SERAC1: variants seen among roughly 807,000 people sequenced by gnomAD.
SERAC1 encodes the protein protein SERAC1.
SERAC1 carries 36 observed loss-of-function variants against 85.7 expected under a neutral mutation model. The ratio of observed to expected loss-of-function variants is 0.42; its 90% CI spans 0.32 to 0.55. The LOEUF (loss-of-function observed/expected upper bound fraction) is 0.55. Ranked by LOEUF, SERAC1 falls within the 20% of genes least tolerant of loss-of-function variation. The pLI is 0.11. For synonymous variants in SERAC1, 242 were observed against 265.3 expected, an observed-to-expected ratio of 0.91 and a Z score of 0.85; for missense variants, 629 against 796.2, an observed-to-expected ratio of 0.79 and a Z score of 2.53.
At chr6:158,155,154 A>T (rs1785299647) in intron 3 of SERAC1, among the ~76,000 whole-genome samples, 161 bp downstream of exon 3, 1 of 152,228 alleles carries the variant, frequency 6.6e-6, no homozygotes, top group African/African-American at 2.4e-5. Flanking sequence ...AGGAAACCAC[A>T]TCATGACAAC....
At chr6:158,131,728 T>C (rs1051183373) in intron 8 of SERAC1, among the ~76,000 whole-genome samples, 3 of 152,040 alleles carry the variant, frequency 2.0e-5, no homozygotes, top group African/African-American at 7.2e-5. Flanking sequence ...CTTTAATAAT[T>C]GATCCTACAG....
chr6:158,113,487 C>T lies in SERAC1; in HGVS notation c.1790G>A (p.Ser597Asn). Residue 597 changes from serine to asparagine, a missense_variant, in exon 16 of 17, where the codon AGC becomes AAC. Physicochemically the swap from Ser to Asn is conservative, Grantham distance 46 (BLOSUM62 1). Transcript: ENST00000647468. ...FVETLPTYIG[S>N]MIKLHVVPVE... The stretch of plus-strand genomic sequence containing the variant: ...AGGTACCACATGGAGCTTAATCATG[C>T]TGCCAATGTAGGTTGGTAGTGTTTC... 2 of 1,614,020 alleles carry T rather than the reference C, an allele frequency of 1.2e-6. No homozygotes were observed. Among genetic ancestry groups the T allele is most frequent in the Non-Finnish European group, 1.7e-6 (2 of 1,179,922 alleles).
At chr6:158,126,695 G>T (rs1784546980) in intron 10 of SERAC1, among the ~76,000 whole-genome samples, 1 of 152,188 alleles carries the variant, frequency 6.6e-6, no homozygotes, top group Non-Finnish European at 1.5e-5. Context: ...TTTATTACTT[G>T]CAAGAGGGAA....
rs1441650891 is a variant in SERAC1, at chr6:158,156,939, GATATTAATATATTTATATAA to G, written c.91+1314_91+1333del. 4.7e-3 allele frequency among the ~76,000 whole-genome samples: 354 copies of G among 74,648 alleles called. 5 individuals are homozygous for G. Among genetic ancestry groups the G allele is most frequent in the Middle Eastern group, 0.013 (2 of 150 alleles). 49.0% of individuals were successfully genotyped at this position (74,648 alleles called of 152,430 possible). A position where few individuals can be genotyped will look rare whatever the true frequency, so the allele number is the denominator to read the frequency against. ...ATATAAATATTAATATATTTATATA[GATATTAATATATTTATATAA>G]ATATTAATATATTTATATATAATAA... On this transcript the variant is annotated intron_variant, in intron 2 of 16. Coordinates refer to ENST00000647468, the MANE Select transcript of SERAC1 (RefSeq NM_032861.4).
At chr6:158,125,950 CAAG>C (rs2128414324) in intron 10 of SERAC1, among the ~76,000 whole-genome samples, 1 of 151,966 alleles carries the variant, frequency 6.6e-6, no homozygotes, top group South Asian at 2.1e-4. Context: ...TCAAGTAATA[CAAG>C]AAGTCAGAAA....
intron 14 of SERAC1, among the ~76,000 whole-genome samples, chr6:158,115,450 G>A (rs971556543): frequency 1.3e-5 from 2 of 152,132 alleles, no homozygotes; most frequent in East Asian, 1.9e-4. Context: ...CCCCTGCCCC[G>A]GCTTTGGAAC....
chr6:158,150,736 C>A, intron 3 of SERAC1, 147 bp from the exon 4 acceptor site: 1 of 654,596 alleles, frequency 1.5e-6, no homozygotes, highest in Non-Finnish European at 2.7e-6. Flanking sequence ...AACATTTATA[C>A]AGTCATGTAT....
At chr6:158,138,029 C>T (rs192138848) in intron 8 of SERAC1, among the ~76,000 whole-genome samples, 2 of 152,270 alleles carry the variant, frequency 1.3e-5, no homozygotes, top group East Asian at 3.9e-4. Flanking sequence ...TTAAAACACA[C>T]AAACACATGA....
intron 6 of SERAC1, 64 bp from the exon 7 acceptor site, chr6:158,144,484 C>T (rs1021670883): frequency 2.0e-6 from 3 of 1,465,652 alleles, no homozygotes; most frequent in South Asian, 1.3e-5. Flanking sequence ...TAAAGATTAA[C>T]TGAACAAACA....
intron 8 of SERAC1, among the ~76,000 whole-genome samples, chr6:158,139,235 G>A (rs1308271931): frequency 6.6e-6 from 1 of 152,124 alleles, no homozygotes; most frequent in African/African-American, 2.4e-5. Context: ...CATTTGGGGT[G>A]CACAGGTCAC....
At chr6:158,148,095 TA>T (rs1217093875) in intron 5 of SERAC1, among the ~76,000 whole-genome samples, 1 of 152,198 alleles carries the variant, frequency 6.6e-6, no homozygotes, top group Non-Finnish European at 1.5e-5. Context: ...AAAATATATT[TA>T]AAGCTGTTTT....
chr6:158,135,846 G>C (rs531789822), intron 8 of SERAC1, among the ~76,000 whole-genome samples: 1 of 152,196 alleles, frequency 6.6e-6, no homozygotes, highest in East Asian at 1.9e-4. Flanking sequence ...GTCTCACTCT[G>C]TCACCCAGGC....
intron 1 of SERAC1, among the ~76,000 whole-genome samples, 157 bp downstream of exon 1, chr6:158,167,983 G>C (rs1785647856): frequency 6.6e-6 from 1 of 151,896 alleles, no homozygotes; most frequent in Admixed American, 6.6e-5. Flanking sequence ...AGGCCCTCAC[G>C]CCCAGCCGAG....
At chr6:158,134,660 C>T (rs1784751083) in intron 8 of SERAC1, among the ~76,000 whole-genome samples, 1 of 151,840 alleles carries the variant, frequency 6.6e-6, no homozygotes, top group Admixed American at 6.6e-5. Context: ...CAGAAGAATA[C>T]TAAATAAATG....
chr6:158,116,080 G>GAGCC (rs1277843368), intron 14 of SERAC1, 105 bp downstream of exon 14: 2 of 847,152 alleles, frequency 2.4e-6, no homozygotes, highest in African/African-American at 3.4e-5. Context: ...GGGGGTAAGG[G>GAGCC]AGCCGCTATT....
intron 2 of SERAC1, among the ~76,000 whole-genome samples, chr6:158,156,564 T>C (rs1445793141): frequency 6.6e-6 from 1 of 151,592 alleles, no homozygotes; most frequent in Non-Finnish European, 1.5e-5. Flanking sequence ...TAAACTGTAA[T>C]TCCTGCCCTA....
In SERAC1 at chr6:158,144,377, A is replaced by C; in HGVS notation, c.531T>G (p.Thr177=). Residue 177 remains threonine (T), a synonymous_variant, in exon 7 of 17, where the codon ACT becomes ACG. Transcript: ENST00000647468. ...CTTCGCTTCGTGCCAAACCAATAAG[A>C]GTTTTCGGATCACAGGCTTGAGCAA... The part of the protein sequence containing the change: ...RIIAQACDPK[T]LIGLARSEES... 1 of 1,613,444 alleles carries C rather than the reference A, an allele frequency of 6.2e-7. No homozygotes were observed. The highest frequency in any genetic ancestry group is 1.1e-5 in the South Asian group (1 of 90,970).
chr6:158,129,432 G>A (rs942187065), intron 9 of SERAC1, among the ~76,000 whole-genome samples: 7 of 152,192 alleles, frequency 4.6e-5, no homozygotes, highest in African/African-American at 1.7e-4. Flanking sequence ...CAGGGTGCTG[G>A]CTACAAATGC....
chr6:158,124,795 A>T (rs985683369), intron 10 of SERAC1, among the ~76,000 whole-genome samples: 6 of 147,322 alleles, frequency 4.1e-5, no homozygotes, highest in African/African-American at 1.5e-4. Context: ...ACACATACAC[A>T]CTCAACAAAG....
Sources: gnomAD v4.1 joint callset for allele counts (sites outside exome capture counted in the v4.1 genomes callset) on GRCh38, gnomAD v4.1.1 for gene constraint, MANE v1.5 for transcripts, NCBI Gene and HGNC (gene_info 2026-07-23, HGNC 2026-07-21) for gene names.